PAFAH1B2: variants seen among roughly 807,000 people sequenced by gnomAD.
PAFAH1B2 encodes the protein platelet-activating factor acetylhydrolase IB subunit alpha2.
In PAFAH1B2, 8 loss-of-function variants were observed where a neutral mutation model predicts 28.0. That is an observed-to-expected ratio of 0.29 (90% CI 0.17 to 0.52). The LOEUF (loss-of-function observed/expected upper bound fraction) is 0.52, where lower values mean the gene tolerates loss of function less well. PAFAH1B2 is among the 20% of genes least tolerant of loss of function. The pLI, the probability that PAFAH1B2 is intolerant of heterozygous loss-of-function variation, is 0.97. For missense variants in PAFAH1B2, 190 were observed against 282.6 expected (o/e 0.67, Z 2.35); for synonymous variants, 104 against 103.2 (o/e 1.01, Z -0.05).
At chr11:117,175,287 G>C, downstream of PAFAH1B2, 1 of 1,074,788 alleles carries the variant, frequency 9.3e-7, no homozygotes, top group Non-Finnish European at 1.1e-6. Flanking sequence ...CTGGCTTTGA[G>C]ACACACCACT....
At chr11:117,171,075 A>G (rs1956640073), downstream of PAFAH1B2, 2 of 1,022,052 alleles carry the variant, frequency 2.0e-6, no homozygotes, top group Admixed American at 5.8e-5. Context: ...CTCCTTTATC[A>G]TAGTTTGGAT....
chr11:117,161,361 A>G, intron 4 of PAFAH1B2, 100 bp downstream of exon 4: 2 of 686,180 alleles, frequency 2.9e-6, no homozygotes, highest in Non-Finnish European at 4.8e-6. Context: ...TTAAAGACCT[A>G]TTTCACTATT....
At chr11:117,150,307 C>T (rs533118032) in intron 1 of PAFAH1B2, among the ~76,000 whole-genome samples, 6 of 152,240 alleles carry the variant, frequency 3.9e-5, no homozygotes, top group South Asian at 4.2e-4. Flanking sequence ...TTCCACCATG[C>T]CCGGCTAATT....
At chr11:117,164,108 T>C (rs1198672262) in intron 5 of PAFAH1B2, 1 of 447,170 alleles carries the variant, frequency 2.2e-6, no homozygotes, top group African/African-American at 2.0e-5. Context: ...CATCCTTGTT[T>C]AGAAGTATGG....
downstream of PAFAH1B2, among the ~76,000 whole-genome samples, chr11:117,174,161 CTT>C (rs1247611997): frequency 2.3e-4 from 19 of 84,094 alleles, no homozygotes; most frequent in South Asian, 6.6e-4. Context: ...GTCTTCATGT[CTT>C]TTGTGTGTGT....
intron 1 of PAFAH1B2, among the ~76,000 whole-genome samples, chr11:117,147,957 C>T (rs1170180931): frequency 6.6e-6 from 1 of 151,850 alleles, no homozygotes; most frequent in African/African-American, 2.4e-5. Flanking sequence ...AAGTGTTTTG[C>T]TCAGGGTATC....
chr11:117,160,726 G>T (rs922986332), intron 3 of PAFAH1B2, among the ~76,000 whole-genome samples: 10 of 151,938 alleles, frequency 6.6e-5, no homozygotes, highest in African/African-American at 2.4e-4. Flanking sequence ...CAGAGTGCTG[G>T]GATTATAGGC....
intron 2 of PAFAH1B2, chr11:117,159,714 G>A: frequency 2.1e-6 from 1 of 472,220 alleles, no homozygotes; most frequent in East Asian, 3.3e-5. Context: ...CAGCCTGGGT[G>A]AGAGAGCCAG....
At position 117,169,710 on chromosome 11, in the gene PAFAH1B2, T is replaced by C. The variant is rs1469429490; in HGVS notation, c.*2011T>C. On this transcript the variant is annotated 3_prime_UTR_variant, in exon 6 of 6. Transcript: ENST00000527958. ...ACATTAAAAATTTCCTTTTTATTTTTAGTAGCCCAGGTTGAGTTTTTCACA... is the reference window on the plus strand; with the variant it reads ...ACATTAAAAATTTCCTTTTTATTTTCAGTAGCCCAGGTTGAGTTTTTCACA... The C allele has an allele frequency of 1.3e-5, 14 of 1,057,642 alleles. No individual in the cohort carries two copies. The highest frequency in any genetic ancestry group is 1.6e-5 in the African/African-American group (1 of 60,610). 65.5% of individuals were successfully genotyped at this position (1,057,642 alleles called of 1,614,324 possible). A position where few individuals can be genotyped will look rare whatever the true frequency, so the allele number is the denominator to read the frequency against.
intron 1 of PAFAH1B2, among the ~76,000 whole-genome samples, chr11:117,148,974 TCTC>T (rs1348979956): frequency 2.6e-5 from 4 of 151,032 alleles, no homozygotes; most frequent in African/African-American, 9.7e-5. Context: ...CTCGAGCGAT[TCTC>T]CTCCCTCAGC....
At chr11:117,165,068 G>A (rs1294128795) in intron 5 of PAFAH1B2, among the ~76,000 whole-genome samples, 83 of 145,922 alleles carry the variant, frequency 5.7e-4, no homozygotes, top group African/African-American at 1.7e-3. Flanking sequence ...CCATTCTCCT[G>A]CCTCAGCCTC....
downstream of PAFAH1B2, among the ~76,000 whole-genome samples, chr11:117,173,011 C>T (rs1286314211): frequency 6.6e-6 from 1 of 152,188 alleles, no homozygotes; most frequent in Non-Finnish European, 1.5e-5. Flanking sequence ...AGCCGCCTGT[C>T]TTCTGATTTC....
downstream of PAFAH1B2, among the ~76,000 whole-genome samples, chr11:117,177,231 C>G (rs1273658232): frequency 2.0e-5 from 3 of 151,910 alleles, no homozygotes; most frequent in Non-Finnish European, 4.4e-5. Flanking sequence ...GATAAAAAAG[C>G]AATATATAAA....
chr11:117,171,536 C>CG (rs1194431831), downstream of PAFAH1B2: 8 of 569,106 alleles, frequency 1.4e-5, no homozygotes, highest in Non-Finnish European at 2.5e-5. Flanking sequence ...ACTCTTGTCT[C>CG]GGAAAAAAAA....
intron 1 of PAFAH1B2, among the ~76,000 whole-genome samples, chr11:117,149,430 G>GATTTTTTTTTT (rs1956092325): frequency 1.2e-5 from 1 of 86,050 alleles, no homozygotes; most frequent in Non-Finnish European, 2.2e-5. Flanking sequence ...TTTTCTAATC[G>GATTTTTTTTTT]TTTTTTTTTT....
rs1383253642 is a variant in PAFAH1B2 at position 117,163,855 on chromosome 11, T to C, written c.374T>C (p.Ile125Thr). ...GGGATCGAGGCCATTGTACAACTTA[T>C]CAACACAAGGCAGCCACAGGCCAAA... is the stretch of plus-strand genomic sequence containing the variant. ...AGGIEAIVQL[I>T]NTRQPQAKII... Residue 125 changes from isoleucine (I) to threonine (T), a missense_variant, in exon 5 of 6, where the codon ATC becomes ACC. Physicochemically the swap from Ile to Thr is moderately conservative, Grantham distance 89. Transcript: ENST00000527958. 10 of 1,613,942 alleles carry C rather than the reference T, an allele frequency of 6.2e-6. No homozygotes were observed. The highest frequency in any genetic ancestry group is 1.1e-5 in the South Asian group (1 of 91,072).
In PAFAH1B2 at chr11:117,161,237, A is replaced by G. The variant is rs746177046; in HGVS notation, c.264A>G (p.Gly88=). The G allele has an allele frequency of 6.4e-7, 1 of 1,573,594 alleles. No homozygotes were observed. The highest frequency in any genetic ancestry group is 2.0e-5 in the Admixed American group (1 of 49,954). The change falls in exon 4 of 6, where the codon GGA becomes GGG. Residue 88 remains glycine (G), a synonymous_variant. Transcript: ENST00000527958. ...ATGTTTTGTGGAGACTAAAGAATGG[A>G]GAACTGGAGAATATTAAGCCTAAGG... ...TRHVLWRLKN[G]ELENIKPKVI...
At chr11:117,144,609 C>T (rs1364655654) in intron 1 of PAFAH1B2, among the ~76,000 whole-genome samples, 191 bp downstream of exon 1, 2 of 152,106 alleles carry the variant, frequency 1.3e-5, no homozygotes, top group African/African-American at 4.8e-5. Flanking sequence ...CGTCGGCTTC[C>T]CAGCAGCCGG....
At position 117,176,286 on chromosome 11, in the gene PAFAH1B2, T is replaced by C. The variant is rs191231741; in HGVS notation, c.*1388T>C. On this transcript the variant is annotated 3_prime_UTR_variant, in exon 6 of 6. Transcript: ENST00000419197. ...GTCTTCATCCTCAAGTATGCTGTGC[T>C]TGGACAGGGGCCAAAACTAATTCCT... 1.4e-5 allele frequency: 5 copies of C among 354,680 alleles called. No individual in the cohort carries two copies. The East Asian group carries it at 2.2e-4, about 16-fold the overall frequency. 22.0% of individuals were successfully genotyped at this position (354,680 alleles called of 1,614,324 possible).
Sources: gnomAD v4.1 joint callset for allele counts (sites outside exome capture counted in the v4.1 genomes callset) on GRCh38, gnomAD v4.1.1 for gene constraint, MANE v1.5 for transcripts, NCBI Gene and HGNC (gene_info 2026-07-23, HGNC 2026-07-21) for gene names.